Variants in PDE10A observed in about 807,000 individuals in gnomAD.
PDE10A encodes the protein cAMP and cAMP-inhibited cGMP 3',5'-cyclic phosphodiesterase 10A.
PDE10A carries 39 observed loss-of-function variants against 97.7 expected under a neutral mutation model. The ratio of observed to expected loss-of-function variants is 0.40; its 90% CI spans 0.31 to 0.52. PDE10A has a LOEUF of 0.52. Among genes scored for constraint, PDE10A ranks in the 20% least tolerant of loss-of-function variants. The probability of loss-of-function intolerance (pLI) is 0.56; values close to 1 mark genes in which losing one functional copy is unlikely to be tolerated. For missense variants in PDE10A, 731 were observed against 1,047.8 expected (o/e 0.70, Z 4.17); for synonymous variants, 371 against 376.8 (o/e 0.98, Z 0.18).
intron 1 of PDE10A, among the ~76,000 whole-genome samples, chr6:165,919,748 G>C (rs1782705253): frequency 6.6e-6 from 1 of 152,216 alleles, no homozygotes; most frequent in Non-Finnish European, 1.5e-5. Context: ...TCGCAGTCCT[G>C]TTTTAAGAGC....
chr6:165,880,332 T>C (rs994049023), intron 1 of PDE10A, among the ~76,000 whole-genome samples: 1 of 152,388 alleles, frequency 6.6e-6, no homozygotes. Context: ...AAATTTGCCC[T>C]GTTCAAATTA....
intron 1 of PDE10A, among the ~76,000 whole-genome samples, chr6:165,888,337 G>A (rs868745912): frequency 6.6e-6 from 1 of 151,624 alleles, no homozygotes; most frequent in African/African-American, 2.4e-5. Context: ...CCAGCCTGGA[G>A]TGCAGTGGTG....
At chr6:165,938,783 C>T (rs1043534262) in intron 1 of PDE10A, among the ~76,000 whole-genome samples, 6 of 152,146 alleles carry the variant, frequency 3.9e-5, no homozygotes, top group Admixed American at 1.3e-4. Flanking sequence ...CACACACGCA[C>T]TACATATAAC....
In PDE10A at chr6:165,826,896, G is replaced by A. The variant is rs1779774729; in HGVS notation, c.-615+160633C>T. 1.3e-5 allele frequency among the ~76,000 whole-genome samples: 2 copies of A among 151,914 alleles called. 1 individual carries two copies. The highest frequency in any genetic ancestry group is 4.2e-4 in the South Asian group (2 of 4,810). ...GGCACAGTGAGAGAGAGGACAAAGT[G>A]GGTCATGAGGTGGGCGCAGGCGGGA... On this transcript the variant is annotated intron_variant, in intron 1 of 19. Transcript: ENST00000366882.
At chr6:165,982,048 C>T (rs74504835) in intron 1 of PDE10A, among the ~76,000 whole-genome samples, 10,764 of 152,164 alleles carry the variant, frequency 0.071, 476 homozygotes, top group South Asian at 0.13. Context: ...ATGCTAACTA[C>T]CCATTATTAA....
At chr6:165,867,119 TACAA>T (rs958512350) in intron 1 of PDE10A, among the ~76,000 whole-genome samples, 12 of 151,444 alleles carry the variant, frequency 7.9e-5, no homozygotes, top group Admixed American at 5.3e-4. Context: ...AACAAAAATG[TACAA>T]ACAATCAGAA....
At chr6:165,785,832 C>T (rs1032695160) in intron 1 of PDE10A, among the ~76,000 whole-genome samples, 1 of 152,204 alleles carries the variant, frequency 6.6e-6, no homozygotes, top group Non-Finnish European at 1.5e-5. Context: ...TTTTCACACA[C>T]CTCAACCCAG....
intron 1 of PDE10A, among the ~76,000 whole-genome samples, chr6:165,680,619 A>G (rs889946213): frequency 6.6e-6 from 1 of 152,208 alleles, no homozygotes; most frequent in Non-Finnish European, 1.5e-5. Context: ...AATACTCATT[A>G]CCAGCCAGGA....
intron 1 of PDE10A, among the ~76,000 whole-genome samples, chr6:165,881,471 C>G (rs1393744514): frequency 6.8e-6 from 1 of 145,996 alleles, no homozygotes; most frequent in Non-Finnish European, 1.5e-5. Flanking sequence ...TTTCAGCTCA[C>G]TGCAATCTCC....
chr6:165,478,741 T>A (rs942213549), intron 3 of PDE10A, among the ~76,000 whole-genome samples: 1 of 152,186 alleles, frequency 6.6e-6, no homozygotes, highest in African/African-American at 2.4e-5. Context: ...CTGGTAGCTG[T>A]CTGGTCTGAT....
In PDE10A at chr6:165,860,663, G is replaced by A. The variant is rs533239180; in HGVS notation, c.-615+126866C>T. On this transcript the variant is annotated intron_variant, in intron 1 of 19. Transcript: ENST00000366882. ...AAAGCAATGACAGTGTTGATTTTGCGGTTATAAATACATTTTAGCAAGTAG... is the reference window on the plus strand; with the variant it reads ...AAAGCAATGACAGTGTTGATTTTGCAGTTATAAATACATTTTAGCAAGTAG... Among the ~76,000 whole-genome samples the A allele has an allele frequency of 4.6e-5, 7 of 152,138 alleles. No individual in the cohort carries two copies. The East Asian group carries it at 7.7e-4, about 17-fold the overall frequency.
chr6:165,619,371 GGTGTAGTGTAGTCTAGTATA>G (rs1787940026), intron 1 of PDE10A, among the ~76,000 whole-genome samples: 1 of 7,650 alleles, frequency 1.3e-4, no homozygotes, highest in African/African-American at 3.5e-4. Context: ...AGTGTAGTGT[GGTGTAGTGTAGTCTAGTATA>G]GTGTAGTGTA....
At chr6:165,930,083 C>T (rs532064855) in intron 1 of PDE10A, among the ~76,000 whole-genome samples, 4 of 145,206 alleles carry the variant, frequency 2.8e-5, no homozygotes, top group African/African-American at 1.0e-4. Context: ...TGACCAGGCA[C>T]ATATCACTCC....
At chr6:165,540,649 G>T (rs1783378552) in intron 2 of PDE10A, among the ~76,000 whole-genome samples, 3 of 151,934 alleles carry the variant, frequency 2.0e-5, no homozygotes, top group Admixed American at 2.0e-4. Flanking sequence ...TTCTTTTTTT[G>T]TTTGTTTGGT....
intron 1 of PDE10A, among the ~76,000 whole-genome samples, chr6:165,595,238 G>T (rs1175168203): frequency 6.6e-6 from 1 of 152,110 alleles, no homozygotes; most frequent in Non-Finnish European, 1.5e-5. Context: ...CTTGTCTCTG[G>T]ATTAGTCCTC....
intron 5 of PDE10A, among the ~76,000 whole-genome samples, chr6:165,444,572 TTTTTC>T (rs1317454686): frequency 2.6e-5 from 4 of 152,158 alleles, no homozygotes; most frequent in Non-Finnish European, 5.9e-5. Flanking sequence ...ATCTAAGTTT[TTTTTC>T]TTTTAACAGT....
At chr6:165,432,522 TA>T (rs1789667193) in intron 7 of PDE10A, among the ~76,000 whole-genome samples, 1 of 152,224 alleles carries the variant, frequency 6.6e-6, no homozygotes, top group African/African-American at 2.4e-5. Context: ...CTGGATGTGA[TA>T]AATGTATCAT....
intron 1 of PDE10A, among the ~76,000 whole-genome samples, chr6:165,839,992 A>ACCTCGT: frequency 2.3e-4 from 1 of 4,338 alleles, no homozygotes; most frequent in South Asian, 0.01. Flanking sequence ...CCCATCTCCA[A>ACCTCGT]CTCCATCCCA....
At chr6:165,849,422 G>A (rs1306494916) in intron 1 of PDE10A, among the ~76,000 whole-genome samples, 3 of 152,186 alleles carry the variant, frequency 2.0e-5, no homozygotes, top group South Asian at 2.1e-4. Flanking sequence ...TGTCTAAGAC[G>A]GCCAGGCAAA....
Sources: gnomAD v4.1 joint callset for allele counts (sites outside exome capture counted in the v4.1 genomes callset) on GRCh38, gnomAD v4.1.1 for gene constraint, MANE v1.5 for transcripts, NCBI Gene and HGNC (gene_info 2026-07-23, HGNC 2026-07-21) for gene names.